Variants in MS4A4E observed in about 807,000 individuals in gnomAD.
MS4A4E encodes membrane spanning 4-domains A4E.
MS4A4E carries 23 observed loss-of-function variants against 13.3 expected under a neutral mutation model. That is an observed-to-expected ratio of 1.73 (90% confidence interval 1.25 to 2.45). The LOEUF (loss-of-function observed/expected upper bound fraction) is 2.45, where lower values mean the gene tolerates loss of function less well. MS4A4E is among the 30% of genes most tolerant of loss of function. The probability of loss-of-function intolerance (pLI) is 0.00; values close to 1 mark genes in which losing one functional copy is unlikely to be tolerated. For synonymous variants in MS4A4E, 36 were observed against 45.6 expected, an observed-to-expected ratio of 0.79 and a Z score of 0.85; for missense variants, 144 against 131.2, an observed-to-expected ratio of 1.10 and a Z score of -0.48.
At chr11:60,218,159 T>C (rs531640614) in intron 3 of MS4A4E, among the ~76,000 whole-genome samples, 146 of 152,290 alleles carry the variant, frequency 9.6e-4, no homozygotes, top group African/African-American at 3.2e-3. Flanking sequence ...CAGTCTCCCA[T>C]AGCGCTCCCA....
intron 3 of MS4A4E, among the ~76,000 whole-genome samples, chr11:60,219,725 T>C (rs1387235554): frequency 6.6e-6 from 1 of 152,236 alleles, no homozygotes; most frequent in Non-Finnish European, 1.5e-5. Context: ...TCTGGCCTTT[T>C]ACCAGGTAAC....
rs73483283 is a variant in MS4A4E, at chr11:60,202,554, C to G, written c.660-675G>C. ...CCTAAAAATCCTCTCAGATAGCCAACTGAGAGCTATTACCCAAACCGAAAA... is the reference window on the plus strand; with the variant it reads ...CCTAAAAATCCTCTCAGATAGCCAAGTGAGAGCTATTACCCAAACCGAAAA... On this transcript the variant is annotated intron_variant, in intron 8 of 8. Transcript: ENST00000651255. Among the ~76,000 whole-genome samples the G allele has an allele frequency of 9.9e-3, 1,506 of 152,272 alleles. 22 individuals carry two copies. The highest frequency in any genetic ancestry group is 0.034 in the African/African-American group (1,431 of 41,534).
At chr11:60,211,154 C>T (rs923558690) in intron 5 of MS4A4E, among the ~76,000 whole-genome samples, 3 of 152,052 alleles carry the variant, frequency 2.0e-5, no homozygotes, top group Non-Finnish European at 2.9e-5. Context: ...GGTTCTTCTT[C>T]GGGATAGCAA....
intron 3 of MS4A4E, among the ~76,000 whole-genome samples, chr11:60,223,691 A>G (rs1220135968): frequency 6.6e-6 from 1 of 152,184 alleles, no homozygotes; most frequent in African/African-American, 2.4e-5. Context: ...AAGTAGGCAG[A>G]AGAACATAGA....
chr11:60,222,359 C>G lies in MS4A4E; in HGVS notation c.178+6235G>C, dbSNP rs185807105. 7.7e-3 allele frequency among the ~76,000 whole-genome samples: 1,176 copies of G among 152,288 alleles called. 44 individuals are homozygous for G. Among genetic ancestry groups the G allele is most frequent in the Admixed American group, 0.069 (1,054 of 15,298 alleles). The stretch of plus-strand genomic sequence containing the variant: ...GGCTAAAGAAATGCGGCAGTGGGCT[C>G]ATTCTCATGGAATTCACTGGTCTTA... On this transcript the variant is annotated intron_variant, in intron 3 of 8. Transcript: ENST00000651255.
chr11:60,210,436 ACT>A (rs2084106042), intron 5 of MS4A4E, among the ~76,000 whole-genome samples: 1 of 152,010 alleles, frequency 6.6e-6, no homozygotes, highest in Non-Finnish European at 1.5e-5. Flanking sequence ...TAATTTATAG[ACT>A]CTCTTATTAA....
chr11:60,200,339 G>A lies in MS4A4E; in HGVS notation c.*1204C>T, dbSNP rs1458482295. ...ACCATTCTTGGGTGTTTCTCACAGA[G>A]GGGGATTTGGCAGGGTCATAGGACA... is the stretch of plus-strand genomic sequence containing the variant. On this transcript the variant is annotated 3_prime_UTR_variant, in exon 9 of 9. Transcript: ENST00000651255. Among the ~76,000 whole-genome samples the A allele has an allele frequency of 4.6e-5, 7 of 151,712 alleles. No homozygotes were observed. The highest frequency in any genetic ancestry group is 7.4e-5 in the Non-Finnish European group (5 of 67,862).
At chr11:60,220,469 G>C (rs2084256479) in intron 3 of MS4A4E, among the ~76,000 whole-genome samples, 1 of 152,112 alleles carries the variant, frequency 6.6e-6, no homozygotes, top group Non-Finnish European at 1.5e-5. Context: ...CTACCTCAGG[G>C]GTATATCAAC....
intron 3 of MS4A4E, among the ~76,000 whole-genome samples, chr11:60,218,877 T>C (rs539627671): frequency 9.1e-4 from 138 of 152,326 alleles, no homozygotes; most frequent in African/African-American, 3.2e-3. Context: ...TGGAAGAACA[T>C]AGAGTTGGAT....
intron 2 of MS4A4E, among the ~76,000 whole-genome samples, chr11:60,229,068 A>G (rs886319112): frequency 1.3e-5 from 2 of 152,246 alleles, no homozygotes; most frequent in African/African-American, 4.8e-5. Context: ...AGGTTCATCA[A>G]CTGGAACAAA....
intron 5 of MS4A4E, among the ~76,000 whole-genome samples, chr11:60,209,628 TC>T (rs2084094251): frequency 6.6e-6 from 1 of 152,234 alleles, no homozygotes; most frequent in Non-Finnish European, 1.5e-5. Context: ...ATCACGTAGG[TC>T]AGTCTTTAAT....
intron 3 of MS4A4E, among the ~76,000 whole-genome samples, chr11:60,217,803 T>C (rs1476464280): frequency 6.6e-6 from 1 of 152,196 alleles, no homozygotes; most frequent in Non-Finnish European, 1.5e-5. Context: ...CTGAGGAAGA[T>C]GTAAGTCGCC....
chr11:60,234,100 T>C (rs676309), intron 1 of MS4A4E, among the ~76,000 whole-genome samples: 60,894 of 151,986 alleles, frequency 0.4, 12,652 homozygotes, highest in East Asian at 0.41. Context: ...AGACAGTCTA[T>C]TCTATACCTA....
chr11:60,229,439 A>G (rs2084380413), intron 2 of MS4A4E, among the ~76,000 whole-genome samples: 1 of 152,194 alleles, frequency 6.6e-6, no homozygotes, highest in Non-Finnish European at 1.5e-5. Context: ...TCACTGTTTT[A>G]ATTCTATATT....
chr11:60,218,970 T>C (rs1390164593), intron 3 of MS4A4E, among the ~76,000 whole-genome samples: 1 of 152,192 alleles, frequency 6.6e-6, no homozygotes, highest in African/African-American at 2.4e-5. Context: ...AAAGTTCTAG[T>C]TTATTTGCTT....
At chr11:60,242,831 A>T (rs1381641358) in intron 1 of MS4A4E, 127 bp downstream of exon 1, 1 of 598,306 alleles carries the variant, frequency 1.7e-6, no homozygotes, top group South Asian at 2.3e-5. Flanking sequence ...CCCAACCCTG[A>T]CTACCAGCTT....
intron 8 of MS4A4E, among the ~76,000 whole-genome samples, 67 bp downstream of exon 8, chr11:60,204,823 G>T (rs1435810307): frequency 1.3e-5 from 2 of 152,104 alleles, no homozygotes; most frequent in African/African-American, 4.8e-5. Context: ...TAGTATTAAG[G>T]TTCTATATAC....
rs756003668 is a variant in MS4A4E at position 60,201,336 on chromosome 11, C to T, written c.*207G>A. The stretch of plus-strand genomic sequence containing the variant: ...GGACGGGGTGGCTGCCTGGCGGAGA[C>T]GCTCCTCACTTCCCAGACGGGGTGG... On this transcript the variant is annotated 3_prime_UTR_variant, in exon 9 of 9. Transcript: ENST00000651255. The T allele has an allele frequency of 0.015, 2,582 of 169,386 alleles. 62 individuals carry two copies. The highest frequency in any genetic ancestry group is 0.059 in the African/African-American group (2,431 of 41,084). The allele number at this position is 169,386 out of a possible 1,614,324, so 10.5% of individuals were successfully genotyped here.
At chr11:60,219,687 C>G (rs549303580) in intron 3 of MS4A4E, among the ~76,000 whole-genome samples, 4 of 152,300 alleles carry the variant, frequency 2.6e-5, no homozygotes, top group African/African-American at 7.2e-5. Context: ...TGTTGTTAAT[C>G]TTTCTCCCAT....
Sources: allele counts gnomAD v4.1 joint callset (sites outside exome capture counted in the v4.1 genomes callset), GRCh38; gene constraint gnomAD v4.1.1; transcripts MANE v1.5; gene names NCBI Gene and HGNC (gene_info 2026-07-23, HGNC 2026-07-21).